CIAO2A: variants seen among roughly 807,000 people sequenced by gnomAD.
CIAO2A encodes the protein MIP18 family protein FAM96A.
Under a neutral mutation model 22.4 loss-of-function variants are expected in CIAO2A, and 17 were observed. The ratio of observed to expected loss-of-function variants is 0.76; its 90% CI spans 0.52 to 1.14. The LOEUF (loss-of-function observed/expected upper bound fraction) is 1.14. Ranked by LOEUF, CIAO2A falls within the 50% of genes most tolerant of loss-of-function variation. The probability of loss-of-function intolerance (pLI) is 0.00; values close to 1 mark genes in which losing one functional copy is unlikely to be tolerated. For synonymous variants in CIAO2A, 74 were observed against 72.3 expected (o/e 1.02, Z -0.12); for missense variants, 192 against 191.4 (o/e 1.00, Z -0.02).
intron 4 of CIAO2A, among the ~76,000 whole-genome samples, chr15:64,074,089 T>C (rs1334504621): frequency 6.6e-6 from 1 of 152,200 alleles, no homozygotes; most frequent in Non-Finnish European, 1.5e-5. Context: ...ATTAATCTAC[T>C]AGATCTTTTT....
intron 1 of CIAO2A, among the ~76,000 whole-genome samples, chr15:64,092,770 T>C (rs921850481): frequency 6.6e-6 from 1 of 152,256 alleles, no homozygotes; most frequent in African/African-American, 2.4e-5. Context: ...TAATCCTTAC[T>C]TGAATTATAT....
chr15:64,073,177 T>C, intron 4 of CIAO2A, 149 bp from the exon 5 acceptor site: 1 of 536,596 alleles, frequency 1.9e-6, no homozygotes, highest in Middle Eastern at 4.2e-4. Context: ...TAATTTCCCA[T>C]CTAGAAGGCA....
chr15:64,081,226 G>T, intron 2 of CIAO2A, 75 bp from the exon 3 acceptor site: 3 of 1,397,874 alleles, frequency 2.1e-6, no homozygotes, highest in Admixed American at 3.6e-5. Context: ...ATACAACTGC[G>T]TTTATGTGCC....
chr15:64,081,534 C>CTTTTTTTTTTTT (rs1567306106), intron 2 of CIAO2A, among the ~76,000 whole-genome samples: 3 of 24,406 alleles, frequency 1.2e-4, no homozygotes, highest in Non-Finnish European at 4.0e-4. Context: ...ACTCATTAAG[C>CTTTTTTTTTTTT]CTTTTTTTTT....
In CIAO2A at chr15:64,072,729, T is replaced by A. The variant is rs2080681535; in HGVS notation, c.*202A>T. Reference sequence around the variant, plus strand: ...AGAAAATATTATTCTGTCTGATCATTTAAGTGTTACAAATCCTGAGAATGT... The same window carrying A: ...AGAAAATATTATTCTGTCTGATCATATAAGTGTTACAAATCCTGAGAATGT... On this transcript the variant is annotated 3_prime_UTR_variant, in exon 5 of 5. Transcript: ENST00000300030. 2.3e-6 allele frequency: 1 copy of A among 427,854 alleles called. No homozygotes were observed. The highest frequency in any genetic ancestry group is 2.0e-5 in the African/African-American group (1 of 49,566). The allele number at this position is 427,854 out of a possible 1,614,324, so 26.5% of individuals were successfully genotyped here. A position where few individuals can be genotyped will look rare whatever the true frequency, so the allele number is the denominator to read the frequency against.
intron 3 of CIAO2A, among the ~76,000 whole-genome samples, chr15:64,077,888 A>G (rs900700129): frequency 1.3e-5 from 2 of 152,212 alleles, no homozygotes; most frequent in Non-Finnish European, 2.9e-5. Flanking sequence ...TTAGAAATTT[A>G]TACTGTGGTA....
chr15:64,074,641 A>C (rs2080703104), intron 4 of CIAO2A: 2 of 152,214 alleles, frequency 1.3e-5, no homozygotes, highest in Non-Finnish European at 2.9e-5. Flanking sequence ...TTTTCATGAC[A>C]GTACCTAAAA....
intron 1 of CIAO2A, among the ~76,000 whole-genome samples, chr15:64,091,311 C>A (rs1313960621): frequency 6.6e-6 from 1 of 152,038 alleles, no homozygotes; most frequent in East Asian, 1.9e-4. Flanking sequence ...ATGGCAAAAA[C>A]CCGTCTCTAC....
At chr15:64,090,961 C>G (rs552540901) in intron 1 of CIAO2A, among the ~76,000 whole-genome samples, 1 of 152,136 alleles carries the variant, frequency 6.6e-6, no homozygotes, top group South Asian at 2.1e-4. Flanking sequence ...CTTTCTTACT[C>G]TGAGGCTGGA....
At chr15:64,092,280 T>G (rs74021251) in intron 1 of CIAO2A, among the ~76,000 whole-genome samples, 1,773 of 152,210 alleles carry the variant, frequency 0.012, 46 homozygotes, top group African/African-American at 0.04. Flanking sequence ...TGTCATTTCC[T>G]ATCTTCTTAC....
intron 3 of CIAO2A, among the ~76,000 whole-genome samples, chr15:64,076,902 C>G (rs2926689): frequency 9.2e-5 from 14 of 152,014 alleles, no homozygotes; most frequent in South Asian, 4.2e-4. Context: ...GACCGCGTAT[C>G]GCCATATTGC....
chr15:64,086,899 C>T (rs2080801246), intron 2 of CIAO2A, among the ~76,000 whole-genome samples: 2 of 151,186 alleles, frequency 1.3e-5, no homozygotes, highest in African/African-American at 2.4e-5. Context: ...AGGTGTGAGC[C>T]GCCATGCCAA....
At chr15:64,073,098 T>C (rs2080686575) in intron 4 of CIAO2A, 70 bp from the exon 5 acceptor site, 2 of 1,032,662 alleles carry the variant, frequency 1.9e-6, no homozygotes, top group African/African-American at 3.2e-5. Context: ...GTATTTTTAT[T>C]AGCCTGCTGA....
chr15:64,089,167 T>C lies in CIAO2A; in HGVS notation c.125-316A>G, dbSNP rs145899348. On this transcript the variant is annotated intron_variant, in intron 1 of 4. Transcript: ENST00000300030. ...GAAAGAATGTGGTTATCAGGCTTTA[T>C]AGGAGCGGAATCTGAATCAAGCCTT... Among the ~76,000 whole-genome samples, 675 of 152,300 alleles carry C rather than the reference T, an allele frequency of 4.4e-3. 7 individuals carry two copies. Among genetic ancestry groups the C allele is most frequent in the African/African-American group, 0.016 (645 of 41,542 alleles).
intron 2 of CIAO2A, among the ~76,000 whole-genome samples, chr15:64,084,238 G>T (rs945868374): frequency 3.3e-5 from 5 of 151,862 alleles, no homozygotes; most frequent in African/African-American, 1.2e-4. Context: ...AAACTCCTAG[G>T]CTCCAGTGAT....
intron 2 of CIAO2A, among the ~76,000 whole-genome samples, chr15:64,085,538 G>C (rs1443921513): frequency 6.6e-6 from 1 of 152,128 alleles, no homozygotes; most frequent in Admixed American, 6.5e-5. Context: ...AATATTTAAT[G>C]AGAAAAATAA....
chr15:64,075,337 G>C lies in CIAO2A; in HGVS notation c.385+155C>G. On this transcript the variant is annotated intron_variant, in intron 4 of 4. Transcript: ENST00000300030. Reference sequence around the variant, plus strand: ...ACTGCAAAAATTACTTCTTTGAAATGCCTAGGTTTCCTCACCTAGGAAGGA... The same window carrying C: ...ACTGCAAAAATTACTTCTTTGAAATCCCTAGGTTTCCTCACCTAGGAAGGA... 5.5e-6 allele frequency: 3 copies of C among 543,944 alleles called. No homozygotes were observed. In the South Asian group the frequency reaches 7.7e-5, roughly 14 times the overall value. 33.7% of individuals were successfully genotyped at this position (543,944 alleles called of 1,614,324 possible).
intron 2 of CIAO2A, among the ~76,000 whole-genome samples, chr15:64,088,003 T>G (rs1391095861): frequency 6.6e-6 from 1 of 152,202 alleles, no homozygotes; most frequent in Admixed American, 6.5e-5. Context: ...ATGCAGAGCT[T>G]CTTCATTCTT....
chr15:64,088,756 C>T lies in CIAO2A; in HGVS notation c.220G>A (p.Glu74Lys). The change falls in exon 2 of 5, where the codon GAA (glutamate) becomes AAA (lysine). Residue 74 changes from glutamate to lysine, a missense_variant. Glu to Lys is a moderately conservative substitution (Grantham distance 56, BLOSUM62 1). Transcript: ENST00000300030. ...ESCVEVQEIN[E>K]EEYLVIIRFT... ...CTGATAATAACCAGATATTCTTCTT[C>T]ATTTATCTCCTGAACTTCCACACAA... is the stretch of plus-strand genomic sequence containing the variant. The T allele has an allele frequency of 6.2e-7, 1 of 1,613,970 alleles. No individual in the cohort carries two copies. Among genetic ancestry groups the T allele is most frequent in the Non-Finnish European group, 8.5e-7 (1 of 1,179,942 alleles).
Sources: allele counts gnomAD v4.1 joint callset (sites outside exome capture counted in the v4.1 genomes callset), GRCh38; gene constraint gnomAD v4.1.1; transcripts MANE v1.5; gene names NCBI Gene and HGNC (gene_info 2026-07-23, HGNC 2026-07-21).